Variants in CEP57 observed in about 807,000 individuals in gnomAD.
CEP57 encodes the protein centrosomal protein 57, also known as centrosomal protein of 57 kDa.
CEP57 carries 40 observed loss-of-function variants against 68.0 expected under a neutral mutation model. That is an observed-to-expected ratio of 0.59 (90% CI 0.46 to 0.77). The LOEUF is 0.77. Ranked by LOEUF, CEP57 falls within the 30% of genes least tolerant of loss-of-function variation. CEP57 has a pLI of 0.00. For missense variants in CEP57, 606 were observed against 580.7 expected (o/e 1.04, Z -0.45); for synonymous variants, 219 against 198.7 (o/e 1.10, Z -0.86).
At chr11:95,817,416 A>G (rs1340840237) in intron 4 of CEP57, among the ~76,000 whole-genome samples, 1 of 152,192 alleles carries the variant, frequency 6.6e-6, no homozygotes. Context: ...CAAGGGAAAT[A>G]TGAAAAGATA....
intron 9 of CEP57, 46 bp downstream of exon 9, chr11:95,828,073 T>C: frequency 1.9e-6 from 3 of 1,569,100 alleles, no homozygotes; most frequent in Admixed American, 1.9e-5. Context: ...CTCTAAAACC[T>C]CATTTTTTAA....
intron 4 of CEP57, among the ~76,000 whole-genome samples, chr11:95,816,810 A>G (rs187318350): frequency 1.4e-4 from 22 of 152,256 alleles, no homozygotes; most frequent in Non-Finnish European, 2.5e-4. Context: ...GTCGGGTTTG[A>G]GAGCAGCCTG....
intron 6 of CEP57, among the ~76,000 whole-genome samples, chr11:95,819,942 A>G (rs1278516590): frequency 5.3e-5 from 8 of 152,184 alleles, no homozygotes; most frequent in Admixed American, 2.6e-4. Flanking sequence ...TCTGAGTTAT[A>G]TAGCCACATG....
chr11:95,822,937 T>C (rs116595318), intron 8 of CEP57: 5 of 288,736 alleles, frequency 1.7e-5, no homozygotes, highest in African/African-American at 8.7e-5. Flanking sequence ...TAGGTAGATA[T>C]TCGAATAAGC....
intron 6 of CEP57, among the ~76,000 whole-genome samples, chr11:95,821,481 A>C (rs902752179): frequency 6.6e-6 from 1 of 152,144 alleles, no homozygotes; most frequent in Non-Finnish European, 1.5e-5. Flanking sequence ...GAAGAAATGT[A>C]TTCTGCTCTT....
At chr11:95,824,688 G>A (rs1198721412) in intron 8 of CEP57, among the ~76,000 whole-genome samples, 2 of 152,172 alleles carry the variant, frequency 1.3e-5, no homozygotes, top group Admixed American at 1.3e-4. Context: ...ATGATGCCAC[G>A]AAGGATATTT....
At chr11:95,799,919 A>G (rs1379662284) in intron 2 of CEP57, among the ~76,000 whole-genome samples, 1 of 152,192 alleles carries the variant, frequency 6.6e-6, no homozygotes, top group South Asian at 2.1e-4. Flanking sequence ...CCTAGACCCT[A>G]TATGCCTCAC....
intron 9 of CEP57, 119 bp from the exon 10 acceptor site, chr11:95,829,067 CT>C: frequency 3.0e-6 from 3 of 1,011,288 alleles, no homozygotes; most frequent in Non-Finnish European, 4.5e-6. Context: ...ATTTATTGCT[CT>C]GTTCAAAAAA....
chr11:95,790,444 A>C, upstream of CEP57: 3 of 575,144 alleles, frequency 5.2e-6, no homozygotes, highest in East Asian at 8.6e-5. Flanking sequence ...CTACTACAGA[A>C]AGACGTCTGC....
At chr11:95,794,952 A>G (rs996256839) in intron 1 of CEP57, among the ~76,000 whole-genome samples, 13 of 152,118 alleles carry the variant, frequency 8.5e-5, no homozygotes, top group Admixed American at 2.0e-4. Flanking sequence ...ATGGTTTGCA[A>G]TATGTTCATT....
chr11:95,817,627 T>C (rs543927061), intron 4 of CEP57, among the ~76,000 whole-genome samples, 160 bp from the exon 5 acceptor site: 8 of 152,304 alleles, frequency 5.3e-5, no homozygotes, highest in South Asian at 2.1e-4. Context: ...TATCCACTTA[T>C]ATCAGTCATT....
chr11:95,808,971 A>G (rs1459139304), intron 2 of CEP57, among the ~76,000 whole-genome samples: 1 of 152,272 alleles, frequency 6.6e-6, no homozygotes, highest in Non-Finnish European at 1.5e-5. Flanking sequence ...ACTCCTCAGC[A>G]AATGTAAAAG....
chr11:95,829,087 T>C, intron 9 of CEP57, 100 bp from the exon 10 acceptor site: 2 of 1,302,108 alleles, frequency 1.5e-6, no homozygotes. Context: ...AATGGAGTCA[T>C]TTTTTAAACA....
intron 1 of CEP57, among the ~76,000 whole-genome samples, chr11:95,793,500 A>G (rs1861195933): frequency 6.6e-6 from 1 of 152,162 alleles, no homozygotes; most frequent in Non-Finnish European, 1.5e-5. Context: ...TATAATATTA[A>G]ATATAAGATT....
chr11:95,827,382 C>G, intron 8 of CEP57: 1 of 246,988 alleles, frequency 4.0e-6, no homozygotes, highest in Non-Finnish European at 8.1e-6. Flanking sequence ...TGATAATGGA[C>G]TGATTGATTA....
At chr11:95,818,294 C>T (rs1453106268) in intron 5 of CEP57, among the ~76,000 whole-genome samples, 1 of 151,506 alleles carries the variant, frequency 6.6e-6, no homozygotes, top group South Asian at 2.1e-4. Flanking sequence ...TGCCTGTAAT[C>T]GCAGCTGCTT....
chr11:95,809,118 A>C (rs748541658), intron 2 of CEP57, among the ~76,000 whole-genome samples: 31 of 152,246 alleles, frequency 2.0e-4, no homozygotes, highest in Admixed American at 1.6e-3. Context: ...TGAATAATGA[A>C]ATGAAGGCAG....
chr11:95,791,808 A>T (rs1220824831), intron 1 of CEP57, among the ~76,000 whole-genome samples: 2 of 152,178 alleles, frequency 1.3e-5, no homozygotes, highest in Admixed American at 1.3e-4. Context: ...ATTTTGGAGT[A>T]TGTGCTAGAA....
chr11:95,810,129 G>A (rs1861990295), intron 2 of CEP57, among the ~76,000 whole-genome samples: 1 of 152,080 alleles, frequency 6.6e-6, no homozygotes, highest in African/African-American at 2.4e-5. Flanking sequence ...ATGCAGAAAA[G>A]GCCTTCAACA....
Sources: allele counts gnomAD v4.1 joint callset (sites outside exome capture counted in the v4.1 genomes callset), GRCh38; gene constraint gnomAD v4.1.1; transcripts MANE v1.5; gene names NCBI Gene and HGNC (gene_info 2026-07-23, HGNC 2026-07-21).